Variants in ABCF2 observed in about 807,000 individuals in gnomAD.
ABCF2 encodes ATP binding cassette subfamily F member 2.
Under a neutral mutation model 76.9 loss-of-function variants are expected in ABCF2, and 37 were observed. The observed-to-expected ratio is 0.48, with a 90% CI of 0.37 to 0.63. ABCF2 has a LOEUF of 0.63. Among genes scored for constraint, ABCF2 ranks in the 30% least tolerant of loss-of-function variants. ABCF2 has a pLI of 0.00. For missense variants in ABCF2, 524 were observed against 782.1 expected (o/e 0.67, Z 3.94); for synonymous variants, 299 against 283.7 (o/e 1.05, Z -0.54).
chr7:151,226,622 C>T (rs1584848449), intron 1 of ABCF2, 122 bp from the exon 2 acceptor site: 1 of 726,610 alleles, frequency 1.4e-6, no homozygotes, highest in East Asian at 2.9e-5. Flanking sequence ...CTGGCCTGCC[C>T]CCGCCTCGTC....
In ABCF2 at chr7:151,212,068, C is replaced by G. The variant is rs564241461; in HGVS notation, c.*1986G>C. On this transcript the variant is annotated 3_prime_UTR_variant, in exon 15 of 15. Coordinates refer to ENST00000287844, the MANE Select transcript of ABCF2 (RefSeq NM_007189.3). ...TCACAATTTAGCATCTAATTTGTGTCCTGTATGGTTCTGTCTTACTGGCTT... is the reference window on the plus strand; with the variant it reads ...TCACAATTTAGCATCTAATTTGTGTGCTGTATGGTTCTGTCTTACTGGCTT... 8.6e-5 allele frequency: 82 copies of G among 956,866 alleles called. No individual in the cohort carries two copies. In the African/African-American group the frequency reaches 1.3e-3, roughly 15 times the overall value. The allele number at this position is 956,866 out of a possible 1,614,324, so 59.3% of individuals were successfully genotyped here.
chr7:151,215,882 T>G lies in ABCF2; in HGVS notation c.1401+85A>C. The G allele has an allele frequency of 6.3e-7, 1 of 1,580,406 alleles. No individual in the cohort carries two copies. The highest frequency in any genetic ancestry group is 8.7e-7 in the Non-Finnish European group (1 of 1,155,982). On this transcript the variant is annotated intron_variant, in intron 12 of 14. Coordinates refer to ENST00000287844, the MANE Select transcript of ABCF2 (RefSeq NM_007189.3). The surrounding 1 kb of genome is among the most constrained non-coding windows in gnomAD (Gnocchi z 4.6). The stretch of plus-strand genomic sequence containing the variant: ...CTAGGCTGGAATTCCTGCCAGGGGG[T>G]GGGGGCGGCTGGCTGGAACTCAGCC...
At position 151,215,643 on chromosome 7, in the gene ABCF2, C is replaced by T. The variant is rs1802135535; in HGVS notation, c.1491G>A (p.Arg497=). 6.2e-7 allele frequency: 1 copy of T among 1,614,150 alleles called. No individual in the cohort carries two copies. ...TGAGACCGTATCGCCCAATGATCTT[C>T]CTCATTTCTTCCTTCTCCTTGATCT... The part of the protein sequence containing the change: ...YPEIKEKEEM[R]KIIGRYGLTG... The change falls in exon 13 of 15, where the codon AGG becomes AGA. Residue 497 remains arginine, a synonymous_variant. Transcript: ENST00000287844. The surrounding 1 kb of genome is among the most constrained non-coding windows in gnomAD (Gnocchi z 4.6).
At chr7:151,222,103 A>G (rs1802279947) in intron 6 of ABCF2, 1 of 184,132 alleles carries the variant, frequency 5.4e-6, no homozygotes, top group Non-Finnish European at 1.1e-5. Context: ...TTCTTTTAAA[A>G]TTGGTACAAT....
chr7:151,226,688 A>C (rs1170665488), intron 1 of ABCF2, 188 bp from the exon 2 acceptor site: 2 of 479,246 alleles, frequency 4.2e-6, no homozygotes, highest in Non-Finnish European at 7.3e-6. Flanking sequence ...CGGCTCTTCT[A>C]ATCTTAACAT....
chr7:151,222,070 A>T (rs1033312376), intron 6 of ABCF2: 2 of 196,040 alleles, frequency 1.0e-5, no homozygotes, highest in African/African-American at 2.4e-5. Context: ...AGAAGGTACT[A>T]AGTCATCGTA....
chr7:151,219,250 C>T (rs1802218849), intron 7 of ABCF2, 91 bp from the exon 8 acceptor site: 3 of 1,120,754 alleles, frequency 2.7e-6, no homozygotes, highest in Non-Finnish European at 4.1e-6. Flanking sequence ...TGAGGGATGG[C>T]ACTAACTTGG....
chr7:151,223,762 T>C lies in ABCF2; in HGVS notation c.638A>G (p.His213Arg), dbSNP rs1326682625. The C allele has an allele frequency of 3.7e-6, 6 of 1,613,750 alleles. No homozygotes were observed. Among genetic ancestry groups the C allele is most frequent in the East Asian group, 2.2e-5 (1 of 44,882 alleles). Residue 213 changes from histidine to arginine, a missense_variant, in exon 5 of 15, where the codon CAT (histidine) becomes CGT (arginine). Coordinates refer to ENST00000287844, the MANE Select transcript of ABCF2 (RefSeq NM_007189.3). Reference protein sequence around the residue: ...KAEMRASRILHGLGFTPAMQR... With the variant: ...KAEMRASRILRGLGFTPAMQR... ...CATGGCAGGTGTGAAACCCAGTCCATGCAAGATCCGCGAGGCCCTCATCTC... is the reference window on the plus strand; with the variant it reads ...CATGGCAGGTGTGAAACCCAGTCCACGCAAGATCCGCGAGGCCCTCATCTC...
In ABCF2 at chr7:151,211,940, A is replaced by T; in HGVS notation, c.*2114T>A. On this transcript the variant is annotated 3_prime_UTR_variant, in exon 15 of 15. Transcript: ENST00000287844. ...CTGGACTTTGTGGCCATCTGAGAAG[A>T]TCCTACTCATTTTTCAAGTGAGAGC... 1 of 985,328 alleles carries T rather than the reference A, an allele frequency of 1.0e-6. No homozygotes were observed. Among genetic ancestry groups the T allele is most frequent in the Non-Finnish European group, 1.2e-6 (1 of 829,880 alleles). The allele number at this position is 985,328 out of a possible 1,614,324, so 61.0% of individuals were successfully genotyped here.
intron 2 of ABCF2, 98 bp from the exon 3 acceptor site, chr7:151,225,086 C>T (rs1300220888): frequency 4.6e-5 from 50 of 1,081,656 alleles, no homozygotes; most frequent in Non-Finnish European, 6.4e-5. Flanking sequence ...TCCTGCTGAG[C>T]ACTCAGATGT....
Position 151,215,837 on chromosome 7 carries a change from A to G in ABCF2, c.1402-105T>C. The G allele has an allele frequency of 6.3e-7, 1 of 1,593,786 alleles. No individual in the cohort carries two copies. ...TATCCCAGGCACCTGTTCTGGGTTC[A>G]AGAAGCAGGTAGGAGCCACCTAGGC... On this transcript the variant is annotated intron_variant, in intron 12 of 14. Coordinates refer to ENST00000287844, the MANE Select transcript of ABCF2 (RefSeq NM_007189.3). This position sits in a 1 kb window ranked among gnomAD's most constrained non-coding sequence, Gnocchi z 4.6.
Position 151,214,274 on chromosome 7 carries a change from G to A in ABCF2, c.1735-83C>T. The A allele has an allele frequency of 6.2e-7, 1 of 1,600,222 alleles. No individual in the cohort carries two copies. The highest frequency in any genetic ancestry group is 8.5e-7 in the Non-Finnish European group (1 of 1,171,632). On this transcript the variant is annotated intron_variant, in intron 14 of 14. Coordinates refer to ENST00000287844, the MANE Select transcript of ABCF2 (RefSeq NM_007189.3). The surrounding 1 kb of genome is among the most constrained non-coding windows in gnomAD (Gnocchi z 4.9). ...GCAGACTGTCCTGAGGGGCGTCTAGGAAGAAAACTCCGCCCCCCAAACCCA... is the reference window on the plus strand; with the variant it reads ...GCAGACTGTCCTGAGGGGCGTCTAGAAAGAAAACTCCGCCCCCCAAACCCA...
At chr7:151,223,891 T>C (rs1208942039) in intron 4 of ABCF2, 41 bp downstream of exon 4, 1 of 1,605,582 alleles carries the variant, frequency 6.2e-7, no homozygotes, top group Non-Finnish European at 8.5e-7. Flanking sequence ...GGGGCCTTTC[T>C]GGGAGGACGC....
At chr7:151,222,229 GA>G (rs201275083) in intron 6 of ABCF2, among the ~76,000 whole-genome samples, 5 of 147,366 alleles carry the variant, frequency 3.4e-5, no homozygotes, top group Admixed American at 6.8e-5. Context: ...ATACAATTAA[GA>G]AAAAAAATAT....
chr7:151,225,294 AAC>A (rs1802350420), intron 2 of ABCF2, among the ~76,000 whole-genome samples: 1 of 152,140 alleles, frequency 6.6e-6, no homozygotes, highest in South Asian at 2.1e-4. Flanking sequence ...CCCTTTTCTG[AAC>A]GCCTATCTGT....
At position 151,212,231 on chromosome 7, in the gene ABCF2, G is replaced by A. The variant is rs535423101; in HGVS notation, c.*1823C>T. ...GGATGGCTGATTTCAGAGGCAGAGT[G>A]ATGAATCCACACCAGGAAGGATGGC... On this transcript the variant is annotated 3_prime_UTR_variant, in exon 15 of 15. Coordinates refer to ENST00000287844, the MANE Select transcript of ABCF2 (RefSeq NM_007189.3). 4 of 985,294 alleles carry A rather than the reference G, an allele frequency of 4.1e-6. No homozygotes were observed. Among genetic ancestry groups the A allele is most frequent in the African/African-American group, 3.5e-5 (2 of 57,220 alleles). The allele number at this position is 985,294 out of a possible 1,614,324, so 61.0% of individuals were successfully genotyped here.
intron 3 of ABCF2, 25 bp downstream of exon 3, chr7:151,224,751 C>G (rs1802339249): frequency 6.3e-7 from 1 of 1,591,278 alleles, no homozygotes; most frequent in Non-Finnish European, 8.6e-7. Context: ...AGAGATACCT[C>G]CCACCTCCCC....
In ABCF2 at chr7:151,212,611, T is replaced by C. The variant is rs1423692862; in HGVS notation, c.*1443A>G. ...TCCTGGGCTCAAGTGAGCCTCCTCTTATCAGAGCAGCTGGGACCGCAGGCA... is the reference window on the plus strand; with the variant it reads ...TCCTGGGCTCAAGTGAGCCTCCTCTCATCAGAGCAGCTGGGACCGCAGGCA... On this transcript the variant is annotated 3_prime_UTR_variant, in exon 15 of 15. Coordinates refer to ENST00000287844, the MANE Select transcript of ABCF2 (RefSeq NM_007189.3). 2.1e-6 allele frequency: 1 copy of C among 472,926 alleles called. No individual in the cohort carries two copies. Among genetic ancestry groups the C allele is most frequent in the Admixed American group, 6.4e-5 (1 of 15,602 alleles). 29.3% of individuals were successfully genotyped at this position (472,926 alleles called of 1,614,324 possible). A position where few individuals can be genotyped will look rare whatever the true frequency, so the allele number is the denominator to read the frequency against.
Position 151,212,097 on chromosome 7 carries a change from A to G in ABCF2, c.*1957T>C. The G allele has an allele frequency of 1.0e-6, 1 of 979,376 alleles. No individual in the cohort carries two copies. The highest frequency in any genetic ancestry group is 1.2e-6 in the Non-Finnish European group (1 of 824,422). The allele number at this position is 979,376 out of a possible 1,614,324, so 60.7% of individuals were successfully genotyped here. A position where few individuals can be genotyped will look rare whatever the true frequency, so the allele number is the denominator to read the frequency against. ...TATGGTTCTGTCTTACTGGCTTTCC[A>G]AGAAGATCATGAGCTCCTAAGGGGT... On this transcript the variant is annotated 3_prime_UTR_variant, in exon 15 of 15. Transcript: ENST00000287844.
Sources: gnomAD v4.1 joint callset for allele counts (sites outside exome capture counted in the v4.1 genomes callset) on GRCh38, gnomAD v4.1.1 for gene constraint, Gnocchi (gnomAD v3.1) non-coding constraint, MANE v1.5 for transcripts, NCBI Gene and HGNC (gene_info 2026-07-23, HGNC 2026-07-21) for gene names.